The following PTPRN2 variants were observed in gnomAD, a reference collection of about 807,000 sequenced individuals.
PTPRN2 encodes the protein protein tyrosine phosphatase receptor type N2, also known as receptor-type tyrosine-protein phosphatase N2.
In PTPRN2, 74 loss-of-function variants were observed where a neutral mutation model predicts 118.8. That is an observed-to-expected ratio of 0.62 (90% CI 0.52 to 0.76). The LOEUF is 0.76. Among genes scored for constraint, PTPRN2 ranks in the 30% least tolerant of loss-of-function variants. The pLI is 0.00. For synonymous variants in PTPRN2, 641 were observed against 608.0 expected (o/e 1.05, Z -0.80); for missense variants, 1,481 against 1,394.4 (o/e 1.06, Z -0.99).
intron 17 of PTPRN2, among the ~76,000 whole-genome samples, chr7:157,592,131 T>C (rs138497506): frequency 2.0e-4 from 30 of 152,350 alleles, no homozygotes; most frequent in African/African-American, 7.2e-4. Flanking sequence ...AATTTGTCTC[T>C]ACTTATTTCA....
intron 15 of PTPRN2, 40 bp from the exon 16 acceptor site, chr7:157,604,115 C>T (rs1156755631): frequency 1.9e-6 from 3 of 1,597,294 alleles, no homozygotes; most frequent in African/African-American, 1.3e-5. Flanking sequence ...AACATTGGCC[C>T]ACCCAGCAGT....
chr7:157,852,777 G>A (rs1371342183), intron 12 of PTPRN2, among the ~76,000 whole-genome samples: 1 of 148,644 alleles, frequency 6.7e-6, no homozygotes, highest in Non-Finnish European at 1.5e-5. Flanking sequence ...GCTGAGGCAG[G>A]AGAATCGCTT....
In PTPRN2 at chr7:157,868,600, C is replaced by G. The variant is rs1211047132; in HGVS notation, c.1788+30073G>C. ...GACACATGGAGAAAAAGGTGCAGCCCATTTCCCAGCCTGAGGACTGGCCGG... is the reference window on the plus strand; with the variant it reads ...GACACATGGAGAAAAAGGTGCAGCCGATTTCCCAGCCTGAGGACTGGCCGG... On this transcript the variant is annotated intron_variant, in intron 12 of 22. Transcript: ENST00000389418. The surrounding 1 kb of genome is among the most constrained non-coding windows in gnomAD (Gnocchi z 5.2). 1 of 152,188 alleles carries G rather than the reference C, an allele frequency of 6.6e-6. No homozygotes were observed. 9.4% of individuals were successfully genotyped at this position (152,188 alleles called of 1,614,324 possible). A position where few individuals can be genotyped will look rare whatever the true frequency, so the allele number is the denominator to read the frequency against.
intron 10 of PTPRN2, among the ~76,000 whole-genome samples, chr7:158,088,014 G>C (rs564475179): frequency 0.014 from 1,611 of 113,588 alleles, 19 homozygotes; most frequent in African/African-American, 0.047. Flanking sequence ...CCTGAGGAAA[G>C]GGGGAGTCTT....
At position 158,570,260 on chromosome 7, in the gene PTPRN2, C is replaced by T. The variant is rs958293961; in HGVS notation, c.112+17298G>A. Among the ~76,000 whole-genome samples, 1 of 152,248 alleles carries T rather than the reference C, an allele frequency of 6.6e-6. No homozygotes were observed. Among genetic ancestry groups the T allele is most frequent in the African/African-American group, 2.4e-5 (1 of 41,474 alleles). On this transcript the variant is annotated intron_variant, in intron 1 of 22. Coordinates refer to ENST00000389418, the MANE Select transcript of PTPRN2 (RefSeq NM_002847.5). This position sits in a 1 kb window ranked among gnomAD's most constrained non-coding sequence, Gnocchi z 4.5. ...TCCTTGGCCATGGGCCCTCGGTCCT[C>T]GCCCTGAGCAGCGCGCCGGGGTATA...
intron 11 of PTPRN2, among the ~76,000 whole-genome samples, chr7:158,047,955 G>A (rs948765792): frequency 1.3e-5 from 2 of 152,258 alleles, no homozygotes; most frequent in African/African-American, 4.8e-5. Context: ...TGGAACACAC[G>A]TAAGGCAGCT....
rs559088573 is a variant in PTPRN2 at position 158,329,111 on chromosome 7, C to T, written c.164-12179G>A. ...AAATCCAGCGGCGCACAGCCCACTG[C>T]ACCGAGGGAGGCGCACGACAGAAGC... is the stretch of plus-strand genomic sequence containing the variant. On this transcript the variant is annotated intron_variant, in intron 2 of 22. Coordinates refer to ENST00000389418, the MANE Select transcript of PTPRN2 (RefSeq NM_002847.5). 2.6e-5 allele frequency among the ~76,000 whole-genome samples: 4 copies of T among 152,354 alleles called. No individual in the cohort carries two copies. The East Asian group carries it at 7.7e-4, about 29-fold the overall frequency.
chr7:158,240,565 A>AT (rs1795850307), intron 3 of PTPRN2, among the ~76,000 whole-genome samples: 1 of 152,092 alleles, frequency 6.6e-6, no homozygotes, highest in Admixed American at 6.5e-5. Context: ...AGTAGATGGG[A>AT]TTATAGGTGT....
chr7:158,531,753 C>G (rs1825257621), intron 1 of PTPRN2, among the ~76,000 whole-genome samples: 1 of 152,174 alleles, frequency 6.6e-6, no homozygotes, highest in Non-Finnish European at 1.5e-5. Context: ...CTCCAAACAC[C>G]AGGCTCGACG....
chr7:158,261,803 C>T (rs1797416581), intron 3 of PTPRN2, among the ~76,000 whole-genome samples: 1 of 152,222 alleles, frequency 6.6e-6, no homozygotes, highest in African/African-American at 2.4e-5. Flanking sequence ...GCTCCAGGCA[C>T]TACGGACGAT....
intron 9 of PTPRN2, among the ~76,000 whole-genome samples, chr7:158,129,281 C>G (rs1279131399): frequency 6.7e-6 from 1 of 148,166 alleles, no homozygotes; most frequent in East Asian, 2.0e-4. Flanking sequence ...ACACACCACA[C>G]ACAACACATA....
rs1186220330 is a variant in PTPRN2 at position 158,546,630 on chromosome 7, C to T, written c.112+40928G>A. Among the ~76,000 whole-genome samples the T allele has an allele frequency of 2.6e-5, 4 of 152,158 alleles. No individual in the cohort carries two copies. The highest frequency in any genetic ancestry group is 1.9e-4 in the East Asian group (1 of 5,174). The stretch of plus-strand genomic sequence containing the variant: ...TTGACGTGGGAGGCCACGGGACAGA[C>T]GCCACCTCTCCCGAGTAGCAGGTGG... On this transcript the variant is annotated intron_variant, in intron 1 of 22. Transcript: ENST00000389418. This position sits in a 1 kb window ranked among gnomAD's most constrained non-coding sequence, Gnocchi z 5.0.
chr7:158,323,065 G>A (rs185527043), intron 2 of PTPRN2, among the ~76,000 whole-genome samples: 34 of 152,344 alleles, frequency 2.2e-4, no homozygotes, highest in Non-Finnish European at 3.7e-4. Flanking sequence ...ACAGGCTTGT[G>A]GGGGAGGGGA....
intron 12 of PTPRN2, among the ~76,000 whole-genome samples, chr7:157,699,595 T>G (rs986948565): frequency 6.6e-6 from 1 of 152,172 alleles, no homozygotes; most frequent in East Asian, 1.9e-4. Context: ...AGTGAATTTT[T>G]TTTTGTATTT....
At chr7:157,555,875 T>G (rs1427885777) in intron 21 of PTPRN2, among the ~76,000 whole-genome samples, 1 of 152,190 alleles carries the variant, frequency 6.6e-6, no homozygotes, top group African/African-American at 2.4e-5. Context: ...AGGAACGAAG[T>G]GGAACAGTTC....
chr7:158,321,377 T>C (rs1490356997), intron 2 of PTPRN2, among the ~76,000 whole-genome samples: 1 of 152,200 alleles, frequency 6.6e-6, no homozygotes, highest in Admixed American at 6.5e-5. Flanking sequence ...CTGAGCTTGC[T>C]TGGGGTTTCC....
intron 9 of PTPRN2, among the ~76,000 whole-genome samples, chr7:158,131,364 T>A (rs1818260870): frequency 8.7e-6 from 1 of 115,452 alleles, no homozygotes; most frequent in African/African-American, 3.7e-5. Context: ...CCAATACACA[T>A]CTACCCGACA....
At chr7:157,645,260 G>A (rs1804988574) in intron 14 of PTPRN2, among the ~76,000 whole-genome samples, 1 of 152,210 alleles carries the variant, frequency 6.6e-6, no homozygotes, top group African/African-American at 2.4e-5. Context: ...CCAAACATGA[G>A]AAAGTATGCT....
At chr7:157,633,911 C>A (rs900626723) in intron 14 of PTPRN2, among the ~76,000 whole-genome samples, 1 of 152,182 alleles carries the variant, frequency 6.6e-6, no homozygotes, top group East Asian at 1.9e-4. Flanking sequence ...TTGATGGTGG[C>A]GCTTTTGGAA....
Sources: allele counts gnomAD v4.1 joint callset (sites outside exome capture counted in the v4.1 genomes callset), GRCh38; gene constraint gnomAD v4.1.1; non-coding constraint Gnocchi (gnomAD v3.1); transcripts MANE v1.5; gene names NCBI Gene and HGNC (gene_info 2026-07-23, HGNC 2026-07-21).